KAZN: variants seen among roughly 807,000 people sequenced by gnomAD.
KAZN encodes kazrin.
Under a neutral mutation model 87.4 loss-of-function variants are expected in KAZN, and 40 were observed. That is an observed-to-expected ratio of 0.46 (90% CI 0.36 to 0.60). The LOEUF (loss-of-function observed/expected upper bound fraction) is 0.60, where lower values mean the gene tolerates loss of function less well. Among genes scored for constraint, KAZN ranks in the 20% least tolerant of loss-of-function variants. KAZN has a pLI of 0.00. For missense variants in KAZN, 898 were observed against 1,073.9 expected (o/e 0.84, Z 2.29); for synonymous variants, 466 against 458.3 (o/e 1.02, Z -0.22).
chr1:15,043,058 CT>C (rs1673078847), intron 3 of KAZN, among the ~76,000 whole-genome samples: 2 of 152,254 alleles, frequency 1.3e-5, no homozygotes, highest in Admixed American at 6.5e-5. Flanking sequence ...TGGCCCTTCC[CT>C]GGACAATCAC....
At chr1:15,084,139 G>T (rs888743171) in intron 8 of KAZN, among the ~76,000 whole-genome samples, 3 of 152,136 alleles carry the variant, frequency 2.0e-5, no homozygotes, top group African/African-American at 7.2e-5. Context: ...GAGCTGGGGG[G>T]AAAGGCAAAG....
At chr1:14,146,748 G>T (rs1645362329) in intron 1 of KAZN, among the ~76,000 whole-genome samples, 1 of 148,318 alleles carries the variant, frequency 6.7e-6, no homozygotes, top group Non-Finnish European at 1.5e-5. Flanking sequence ...CTTGATGACA[G>T]TTAAATTTGC....
intron 2 of KAZN, among the ~76,000 whole-genome samples, chr1:14,368,529 CT>C (rs1224292462): frequency 6.6e-6 from 1 of 152,184 alleles, no homozygotes; most frequent in Non-Finnish European, 1.5e-5. Context: ...CTGAAGCCTG[CT>C]AACAACCCAT....
chr1:15,109,461 T>C (rs1641411337), intron 13 of KAZN, among the ~76,000 whole-genome samples: 2 of 152,086 alleles, frequency 1.3e-5, no homozygotes, highest in Non-Finnish European at 2.9e-5. Context: ...CACCAGAACA[T>C]ATGGAGGGAA....
chr1:14,151,297 A>G (rs1645469063), intron 1 of KAZN, among the ~76,000 whole-genome samples: 1 of 152,172 alleles, frequency 6.6e-6, no homozygotes, highest in Admixed American at 6.5e-5. Context: ...GTAGTTTTGA[A>G]CCATGCATTT....
chr1:14,296,945 GT>G (rs1557623140), intron 2 of KAZN, among the ~76,000 whole-genome samples: 1 of 152,010 alleles, frequency 6.6e-6, no homozygotes, highest in African/African-American at 2.4e-5. Flanking sequence ...TCATGTTATC[GT>G]TATGCACAAA....
intron 2 of KAZN, among the ~76,000 whole-genome samples, chr1:14,499,916 C>T (rs925319862): frequency 6.6e-6 from 1 of 152,108 alleles, no homozygotes; most frequent in Non-Finnish European, 1.5e-5. Context: ...CTCCAGCAGG[C>T]GCAGTAGCAG....
chr1:15,018,324 A>G (rs1376843291), intron 2 of KAZN, among the ~76,000 whole-genome samples: 1 of 152,148 alleles, frequency 6.6e-6, no homozygotes, highest in Non-Finnish European at 1.5e-5. Flanking sequence ...TAATTACAGT[A>G]GATTTCCAGT....
At chr1:14,379,606 A>G (rs915178516) in intron 2 of KAZN, among the ~76,000 whole-genome samples, 4 of 152,138 alleles carry the variant, frequency 2.6e-5, no homozygotes, top group Admixed American at 2.0e-4. Flanking sequence ...TGGCCTGGCA[A>G]TACTCCCCAT....
At chr1:14,301,138 A>G (rs1191393941) in intron 2 of KAZN, among the ~76,000 whole-genome samples, 1 of 152,196 alleles carries the variant, frequency 6.6e-6, no homozygotes. Flanking sequence ...CTAGGGAGTT[A>G]CACACCCAGA....
chr1:14,384,432 G>A (rs1661673569), intron 2 of KAZN, among the ~76,000 whole-genome samples: 1 of 151,986 alleles, frequency 6.6e-6, no homozygotes, highest in South Asian at 2.1e-4. Context: ...TGCCCATTCA[G>A]TATGATATTG....
intron 1 of KAZN, among the ~76,000 whole-genome samples, chr1:14,054,874 G>A (rs1415186686): frequency 6.6e-6 from 1 of 152,200 alleles, no homozygotes; most frequent in Non-Finnish European, 1.5e-5. Context: ...ATTTTAATGT[G>A]ATGTGTTCAA....
intron 2 of KAZN, among the ~76,000 whole-genome samples, chr1:14,484,752 T>C (rs1388867129): frequency 6.6e-6 from 1 of 152,210 alleles, no homozygotes; most frequent in Non-Finnish European, 1.5e-5. Flanking sequence ...GGCTGGTCTC[T>C]CTCACATGTC....
chr1:14,489,096 G>A (rs1277201200), intron 2 of KAZN, among the ~76,000 whole-genome samples: 2 of 152,076 alleles, frequency 1.3e-5, no homozygotes, highest in African/African-American at 4.8e-5. Flanking sequence ...CAAATTCTTT[G>A]GCAATTGTTG....
intron 1 of KAZN, among the ~76,000 whole-genome samples, chr1:14,833,794 C>T (rs766853936): frequency 6.6e-6 from 1 of 152,086 alleles, no homozygotes; most frequent in Non-Finnish European, 1.5e-5. Flanking sequence ...CAGGTGTTGC[C>T]GCTCCAAGGC....
chr1:14,961,306 G>A (rs568331177), intron 2 of KAZN, among the ~76,000 whole-genome samples: 2 of 152,304 alleles, frequency 1.3e-5, no homozygotes, highest in East Asian at 3.9e-4. Context: ...CACCATGATG[G>A]GCTCTCCTGG....
At chr1:15,031,999 T>G (rs893831926) in intron 2 of KAZN, among the ~76,000 whole-genome samples, 4 of 152,126 alleles carry the variant, frequency 2.6e-5, no homozygotes, top group African/African-American at 9.7e-5. Flanking sequence ...CAGTGGTTTT[T>G]AGTATGTTCA....
At chr1:14,583,313 TA>T (rs1229064970) in intron 2 of KAZN, among the ~76,000 whole-genome samples, 5 of 152,108 alleles carry the variant, frequency 3.3e-5, no homozygotes, top group Non-Finnish European at 7.4e-5. Context: ...AATGAGTGAA[TA>T]AGTACAAGAG....
At chr1:14,660,030 A>G (rs1428399752) in intron 1 of KAZN, among the ~76,000 whole-genome samples, 1 of 152,192 alleles carries the variant, frequency 6.6e-6, no homozygotes, top group East Asian at 1.9e-4. Flanking sequence ...AGAACCTGTT[A>G]TTAAAACGGA....
Sources: allele counts gnomAD v4.1 joint callset (sites outside exome capture counted in the v4.1 genomes callset), GRCh38; gene constraint gnomAD v4.1.1; transcripts MANE v1.5; gene names NCBI Gene and HGNC (gene_info 2026-07-23, HGNC 2026-07-21).